Variants in PARP8 observed in about 807,000 individuals in gnomAD.
The protein encoded by PARP8 is poly(ADP-ribose) polymerase family member 8, also known as protein mono-ADP-ribosyltransferase PARP8.
Under a neutral mutation model 124.1 loss-of-function variants are expected in PARP8, and 51 were observed. The observed-to-expected ratio is 0.41, with a 90% confidence interval of 0.33 to 0.52. The LOEUF (loss-of-function observed/expected upper bound fraction) is 0.52, where lower values mean the gene tolerates loss of function less well. Ranked by LOEUF, PARP8 falls within the 20% of genes least tolerant of loss-of-function variation. PARP8 has a pLI of 0.21. For synonymous variants in PARP8, 391 were observed against 361.5 expected, an observed-to-expected ratio of 1.08 and a Z score of -0.93; for missense variants, 860 against 1,018.9, an observed-to-expected ratio of 0.84 and a Z score of 2.12.
chr5:50,831,835 A>G (rs1747021697), intron 22 of PARP8, among the ~76,000 whole-genome samples: 1 of 152,174 alleles, frequency 6.6e-6, no homozygotes, highest in East Asian at 1.9e-4. Flanking sequence ...CCTTTCCTCA[A>G]ATTCTTGAAG....
intron 2 of PARP8, among the ~76,000 whole-genome samples, chr5:50,705,089 A>G (rs1240753648): frequency 1.3e-5 from 2 of 152,220 alleles, no homozygotes; most frequent in Non-Finnish European, 2.9e-5. Context: ...TCTGCTCAAT[A>G]TAGATTGAAA....
chr5:50,784,154 A>G (rs1328031164), intron 9 of PARP8, among the ~76,000 whole-genome samples: 2 of 152,294 alleles, frequency 1.3e-5, no homozygotes, highest in Admixed American at 1.3e-4. Flanking sequence ...AGACTGACCT[A>G]CTTAACAGTT....
chr5:50,844,303 A>G lies in PARP8; in HGVS notation c.*2235A>G, dbSNP rs867012138. Reference sequence around the variant, plus strand: ...AGAATGACAGATTTTGTTTCAAACAATTGCGTCAGAACCTTTGTAAGCAAA... The same window carrying G: ...AGAATGACAGATTTTGTTTCAAACAGTTGCGTCAGAACCTTTGTAAGCAAA... On this transcript the variant is annotated 3_prime_UTR_variant, in exon 26 of 26. Coordinates refer to ENST00000281631, the MANE Select transcript of PARP8 (RefSeq NM_024615.4). The G allele has an allele frequency of 4.6e-5, 7 of 151,872 alleles. No individual in the cohort carries two copies. Among genetic ancestry groups the G allele is most frequent in the African/African-American group, 9.7e-5 (4 of 41,416 alleles). 9.4% of individuals were successfully genotyped at this position (151,872 alleles called of 1,614,324 possible). A position where few individuals can be genotyped will look rare whatever the true frequency, so the allele number is the denominator to read the frequency against.
intron 11 of PARP8, 119 bp from the exon 12 acceptor site, chr5:50,794,734 A>G (rs1304966298): frequency 2.3e-6 from 2 of 877,586 alleles, no homozygotes; most frequent in South Asian, 1.8e-5. Flanking sequence ...TGGGTAGGCT[A>G]TATTAAAATG....
chr5:50,839,530 A>G (rs1426059303), intron 25 of PARP8, among the ~76,000 whole-genome samples: 3 of 152,028 alleles, frequency 2.0e-5, no homozygotes, highest in African/African-American at 4.8e-5. Context: ...ATATGCATCA[A>G]ATTTAAAACA....
rs1761160493 is a variant in PARP8, at chr5:50,767,427, A to T, written c.518+4185A>T. On this transcript the variant is annotated intron_variant, in intron 7 of 25. Coordinates refer to ENST00000281631, the MANE Select transcript of PARP8 (RefSeq NM_024615.4). Reference sequence around the variant, plus strand: ...GTGATGACAGGAGGCACAGAGGGGAAAGAAAGGAGAGAGCATTTTCCCAAA... The same window carrying T: ...GTGATGACAGGAGGCACAGAGGGGATAGAAAGGAGAGAGCATTTTCCCAAA... 3.3e-5 allele frequency among the ~76,000 whole-genome samples: 5 copies of T among 152,314 alleles called. 1 individual carries two copies. In the South Asian group the frequency reaches 1.0e-3, roughly 32 times the overall value.
intron 14 of PARP8, among the ~76,000 whole-genome samples, chr5:50,805,671 G>T (rs1445159370): frequency 6.6e-6 from 1 of 152,002 alleles, no homozygotes; most frequent in African/African-American, 2.4e-5. Context: ...AATTTTATTA[G>T]ACCTTTTTTG....
At chr5:50,735,832 G>A (rs1757414374) in intron 2 of PARP8, among the ~76,000 whole-genome samples, 1 of 151,820 alleles carries the variant, frequency 6.6e-6, no homozygotes, top group Non-Finnish European at 1.5e-5. Context: ...TTTATAAAGG[G>A]GATTTAACCT....
At chr5:50,735,231 C>T (rs1757360594) in intron 2 of PARP8, among the ~76,000 whole-genome samples, 1 of 152,018 alleles carries the variant, frequency 6.6e-6, no homozygotes, top group Admixed American at 6.6e-5. Context: ...CTTTGAAGTG[C>T]CCTTTGCTGC....
At chr5:50,750,418 A>G (rs1184742200) in intron 3 of PARP8, among the ~76,000 whole-genome samples, 6 of 152,090 alleles carry the variant, frequency 3.9e-5, no homozygotes, top group African/African-American at 9.6e-5. Flanking sequence ...AAAGATCCCT[A>G]TGATAGTTCC....
intron 2 of PARP8, among the ~76,000 whole-genome samples, chr5:50,713,787 A>G (rs1272795402): frequency 6.6e-6 from 1 of 152,072 alleles, no homozygotes; most frequent in Non-Finnish European, 1.5e-5. Context: ...GGCGAGTCAG[A>G]GAAGGAGATG....
intron 14 of PARP8, among the ~76,000 whole-genome samples, chr5:50,811,227 T>C (rs1744398716): frequency 6.6e-6 from 1 of 152,124 alleles, no homozygotes; most frequent in Non-Finnish European, 1.5e-5. Flanking sequence ...TTTAAAATAA[T>C]GAGTCAGTTG....
chr5:50,720,702 A>G (rs1755785549), intron 2 of PARP8, among the ~76,000 whole-genome samples: 1 of 148,506 alleles, frequency 6.7e-6, no homozygotes, highest in South Asian at 2.1e-4. Flanking sequence ...ATAGAAAAAG[A>G]TGTAAATAAA....
intron 14 of PARP8, among the ~76,000 whole-genome samples, chr5:50,806,183 A>C (rs1268945580): frequency 2.6e-5 from 4 of 152,014 alleles, no homozygotes; most frequent in Admixed American, 6.6e-5. Context: ...TACTATTCTC[A>C]CTTTATGGTG....
chr5:50,698,316 A>G (rs1472420030), intron 2 of PARP8, among the ~76,000 whole-genome samples: 3 of 152,240 alleles, frequency 2.0e-5, no homozygotes, highest in Non-Finnish European at 2.9e-5. Context: ...TGACCTTTGT[A>G]CTTGAAGTGT....
intron 2 of PARP8, among the ~76,000 whole-genome samples, chr5:50,696,893 A>G (rs2149469270): frequency 6.6e-6 from 1 of 152,150 alleles, no homozygotes; most frequent in African/African-American, 2.4e-5. Flanking sequence ...ATTGGACTTA[A>G]CTGTTCTTGC....
At chr5:50,721,819 C>A (rs1755917306) in intron 2 of PARP8, among the ~76,000 whole-genome samples, 1 of 152,078 alleles carries the variant, frequency 6.6e-6, no homozygotes, top group African/African-American at 2.4e-5. Flanking sequence ...AGAACTCATG[C>A]CTTTGTACGC....
chr5:50,799,878 A>G (rs1312882759), intron 14 of PARP8, among the ~76,000 whole-genome samples: 1 of 152,070 alleles, frequency 6.6e-6, no homozygotes, highest in Non-Finnish European at 1.5e-5. Flanking sequence ...CCTTACTGTC[A>G]CTCTGGTCTA....
At chr5:50,717,484 T>C (rs991279219) in intron 2 of PARP8, among the ~76,000 whole-genome samples, 1 of 151,998 alleles carries the variant, frequency 6.6e-6, no homozygotes, top group African/African-American at 2.4e-5. Context: ...AGATTTCTAG[T>C]CTGGAGTTCA....
Sources: gnomAD v4.1 joint callset for allele counts (sites outside exome capture counted in the v4.1 genomes callset) on GRCh38, gnomAD v4.1.1 for gene constraint, MANE v1.5 for transcripts, NCBI Gene and HGNC (gene_info 2026-07-23, HGNC 2026-07-21) for gene names.